The following CSMD1 variants were observed in gnomAD, a reference collection of about 807,000 sequenced individuals.
CSMD1 encodes the protein CUB and sushi domain-containing protein 1.
Under a neutral mutation model 417.5 loss-of-function variants are expected in CSMD1, and 213 were observed. The ratio of observed to expected loss-of-function variants is 0.51; its 90% CI spans 0.46 to 0.57. The LOEUF is 0.57. Ranked by LOEUF, CSMD1 falls within the 20% of genes least tolerant of loss-of-function variation. The pLI is 0.00. For synonymous variants in CSMD1, 2,862 were observed against 1,736.8 expected (o/e 1.65, Z -16.11); for missense variants, 6,923 against 4,529.7 (o/e 1.53, Z -15.17).
In CSMD1 at chr8:4,796,921, G is replaced by C. The variant is rs537595382; in HGVS notation, c.86-159363C>G. On this transcript the variant is annotated intron_variant, in intron 1 of 69. Transcript: ENST00000635120. Reference sequence around the variant, plus strand: ...CTATGGACACATTAGGTCTCTGAGTGTGGCTGCATGGAGGGGGCAGGACAG... The same window carrying C: ...CTATGGACACATTAGGTCTCTGAGTCTGGCTGCATGGAGGGGGCAGGACAG... 3.9e-5 allele frequency among the ~76,000 whole-genome samples: 6 copies of C among 152,316 alleles called. No individual in the cohort carries two copies. In the South Asian group the frequency reaches 1.2e-3, roughly 32 times the overall value.
At chr8:4,558,395 T>C (rs1402680904) in intron 2 of CSMD1, among the ~76,000 whole-genome samples, 4 of 152,204 alleles carry the variant, frequency 2.6e-5, no homozygotes, top group Non-Finnish European at 4.4e-5. Flanking sequence ...TTTTTCAAAT[T>C]AATAATCTTT....
At chr8:4,675,651 C>A (rs1056009465) in intron 1 of CSMD1, among the ~76,000 whole-genome samples, 1 of 152,174 alleles carries the variant, frequency 6.6e-6, no homozygotes, top group African/African-American at 2.4e-5. Flanking sequence ...GGATATCTTT[C>A]TGGCAATCTC....
At chr8:3,802,330 A>C (rs1220509319) in intron 5 of CSMD1, among the ~76,000 whole-genome samples, 1 of 152,126 alleles carries the variant, frequency 6.6e-6, no homozygotes, top group East Asian at 1.9e-4. Flanking sequence ...AGTAATTCCT[A>C]TTATGTTATA....
chr8:3,708,866 G>C (rs375497239), intron 6 of CSMD1, among the ~76,000 whole-genome samples: 3 of 152,072 alleles, frequency 2.0e-5, no homozygotes, highest in Non-Finnish European at 2.9e-5. Context: ...AGTTGTCTAA[G>C]TTTGCTATAA....
intron 11 of CSMD1, among the ~76,000 whole-genome samples, chr8:3,487,497 G>A (rs1011625635): frequency 9.9e-5 from 15 of 152,058 alleles, no homozygotes; most frequent in East Asian, 1.9e-4. Flanking sequence ...CACCATGCCC[G>A]GCCTATCAGT....
At chr8:3,275,233 C>T (rs925920698) in intron 26 of CSMD1, among the ~76,000 whole-genome samples, 6 of 152,160 alleles carry the variant, frequency 3.9e-5, no homozygotes, top group African/African-American at 1.4e-4. Flanking sequence ...AAATTCTTTT[C>T]TTTAAGAATG....
chr8:3,781,985 G>T (rs1347828665), intron 5 of CSMD1, among the ~76,000 whole-genome samples: 3 of 151,994 alleles, frequency 2.0e-5, no homozygotes, highest in East Asian at 3.9e-4. Context: ...AAGGGATGAT[G>T]ATACTGAAAG....
intron 1 of CSMD1, among the ~76,000 whole-genome samples, chr8:4,855,432 G>C (rs941474948): frequency 6.6e-6 from 1 of 152,180 alleles, no homozygotes; most frequent in African/African-American, 2.4e-5. Flanking sequence ...TTGACGAGCT[G>C]AGAGAAGAAG....
intron 8 of CSMD1, among the ~76,000 whole-genome samples, chr8:3,611,809 A>T (rs1330263515): frequency 6.6e-6 from 1 of 152,138 alleles, no homozygotes. Context: ...TGACCAATGT[A>T]TGAGGTACAA....
In CSMD1 at chr8:2,938,706, T is replaced by G. The variant is rs1801660588; in HGVS notation, c.10574A>C (p.His3525Pro). 6.2e-7 allele frequency: 1 copy of G among 1,611,730 alleles called. No individual in the cohort carries two copies. The highest frequency in any genetic ancestry group is 1.3e-5 in the African/African-American group (1 of 75,052). The change falls in exon 70 of 70, where the codon CAT becomes CCT. Residue 3525 changes from histidine (H) to proline (P), a missense_variant. Physicochemically the swap from His to Pro is moderately conservative, Grantham distance 77. Coordinates refer to ENST00000635120, the MANE Select transcript of CSMD1 (RefSeq NM_033225.6). ...PKVQYNGYAG[H>P]ENSNGQASFE... ...CGATGCTTGTCCATTGCTGTTTTCA[T>G]GCCCAGCATAGCCATTGTATTGAAC...
intron 5 of CSMD1, among the ~76,000 whole-genome samples, chr8:3,880,097 T>C (rs976544064): frequency 1.6e-4 from 24 of 152,272 alleles, no homozygotes; most frequent in Middle Eastern, 3.4e-3. Flanking sequence ...AACAAACGTA[T>C]TACTAAATTC....
chr8:3,872,863 G>C (rs1053007526), intron 5 of CSMD1, among the ~76,000 whole-genome samples: 1 of 144,628 alleles, frequency 6.9e-6, no homozygotes, highest in Non-Finnish European at 1.5e-5. Flanking sequence ...AAAGAAAAAA[G>C]AAAACAGCTG....
intron 25 of CSMD1, among the ~76,000 whole-genome samples, chr8:3,287,410 A>T (rs1251760003): frequency 1.3e-5 from 2 of 152,064 alleles, no homozygotes; most frequent in East Asian, 1.9e-4. Context: ...CCATTTTCAC[A>T]ATATTGATTC....
intron 4 of CSMD1, among the ~76,000 whole-genome samples, chr8:4,018,420 A>G (rs1796625509): frequency 6.6e-6 from 1 of 152,070 alleles, no homozygotes; most frequent in African/African-American, 2.4e-5. Context: ...GTTCTCTCCC[A>G]GTTTGCAATC....
Position 3,178,433 on chromosome 8 carries a change from G to A in CSMD1, c.5725+2677C>T, listed in dbSNP as rs1173895858. ...CATTTTTCAGAGAGCACTGACCTTT[G>A]GTGTCATTGTTTGTAAAACAGCCAT... On this transcript the variant is annotated intron_variant, in intron 37 of 69. Coordinates refer to ENST00000635120, the MANE Select transcript of CSMD1 (RefSeq NM_033225.6). 2.0e-5 allele frequency among the ~76,000 whole-genome samples: 3 copies of A among 151,750 alleles called. No individual in the cohort carries two copies. In the East Asian group the frequency reaches 5.8e-4, roughly 29 times the overall value.
intron 1 of CSMD1, among the ~76,000 whole-genome samples, chr8:4,861,245 C>T (rs1585226725): frequency 1.3e-5 from 2 of 152,240 alleles, no homozygotes; most frequent in South Asian, 4.1e-4. Flanking sequence ...TAATATATCT[C>T]TGCGGCTATA....
At chr8:3,788,499 C>T (rs919109671) in intron 5 of CSMD1, among the ~76,000 whole-genome samples, 2 of 152,138 alleles carry the variant, frequency 1.3e-5, no homozygotes, top group African/African-American at 4.8e-5. Context: ...TTAAGAACTT[C>T]AGGATCAATA....
At chr8:4,827,103 T>A (rs1474414843) in intron 1 of CSMD1, among the ~76,000 whole-genome samples, 1 of 152,132 alleles carries the variant, frequency 6.6e-6, no homozygotes, top group Non-Finnish European at 1.5e-5. Flanking sequence ...GCCCTTGTCC[T>A]CAGGTGTGAA....
intron 38 of CSMD1, among the ~76,000 whole-genome samples, chr8:3,161,666 G>T (rs889958395): frequency 6.9e-6 from 1 of 145,478 alleles, no homozygotes; most frequent in African/African-American, 2.5e-5. Context: ...ATAGAAGATA[G>T]TAAAAGTTCA....
Sources: gnomAD v4.1 joint callset for allele counts (sites outside exome capture counted in the v4.1 genomes callset) on GRCh38, gnomAD v4.1.1 for gene constraint, MANE v1.5 for transcripts, NCBI Gene and HGNC (gene_info 2026-07-23, HGNC 2026-07-21) for gene names.